The following TDP1 variants were observed in gnomAD, a reference collection of about 807,000 sequenced individuals.
The protein encoded by TDP1 is tyr-DNA phosphodiesterase 1.
TDP1 carries 64 observed loss-of-function variants against 81.5 expected under a neutral mutation model. The observed-to-expected ratio is 0.79, with a 90% CI of 0.64 to 0.97. The LOEUF (loss-of-function observed/expected upper bound fraction) is 0.97, where lower values mean the gene tolerates loss of function less well. TDP1 is among the 50% of genes least tolerant of loss of function. The pLI is 0.00. For missense variants in TDP1, 723 were observed against 743.8 expected, an observed-to-expected ratio of 0.97 and a Z score of 0.33; for synonymous variants, 256 against 264.3, an observed-to-expected ratio of 0.97 and a Z score of 0.30.
Position 90,039,672 on chromosome 14 carries a change from T to C in TDP1, c.1754-3398T>C, listed in dbSNP as rs61998732. ...TACGTCACTTGGATTTATCTGATTA[T>C]TAAAAAAAAAAAAAAGAAACTGTTA... is the stretch of plus-strand genomic sequence containing the variant. On this transcript the variant is annotated intron_variant, in intron 16 of 16. Coordinates refer to ENST00000335725, the MANE Select transcript of TDP1 (RefSeq NM_018319.4). 6.2e-5 allele frequency among the ~76,000 whole-genome samples: 9 copies of C among 145,722 alleles called. No individual in the cohort carries two copies. In the East Asian group the frequency reaches 1.8e-3, roughly 28 times the overall value.
chr14:90,017,934 A>G (rs1367231607), intron 14 of TDP1, among the ~76,000 whole-genome samples: 2 of 152,228 alleles, frequency 1.3e-5, no homozygotes, highest in East Asian at 3.8e-4. Context: ...CCTGTCCTCA[A>G]TATGGTTCAT....
intron 2 of TDP1, among the ~76,000 whole-genome samples, chr14:89,957,446 G>A (rs180677850): frequency 7.9e-5 from 12 of 152,290 alleles, no homozygotes; most frequent in African/African-American, 2.9e-4. Flanking sequence ...CTGCCCAAGT[G>A]CACATTTACT....
At chr14:90,041,931 A>G in intron 16 of TDP1, among the ~76,000 whole-genome samples, 1 of 152,196 alleles carries the variant, frequency 6.6e-6, no homozygotes. Context: ...AGATGTTCTC[A>G]TTTGTGCTCC....
chr14:89,992,053 G>GT (rs35621567), intron 13 of TDP1, 70 bp downstream of exon 13: 36,337 of 1,026,564 alleles, frequency 0.035, no homozygotes, highest in Non-Finnish European at 0.039. Context: ...TCACTGGTTT[G>GT]TTTTTTTTTT....
rs58264054 is a variant in TDP1 at position 89,998,372 on chromosome 14, T to TTA, written c.1541+4939_1541+4940dup. 3.7e-3 allele frequency among the ~76,000 whole-genome samples: 195 copies of TTA among 52,940 alleles called. 1 individual carries two copies. The highest frequency in any genetic ancestry group is 4.4e-3 in the Non-Finnish European group (120 of 27,452). The allele number at this position is 52,940 out of a possible 152,430, so 34.7% of individuals were successfully genotyped here. On this transcript the variant is annotated intron_variant, in intron 14 of 16. Coordinates refer to ENST00000335725, the MANE Select transcript of TDP1 (RefSeq NM_018319.4). ...AGTTCCAGGCACAGTTCCAAGCACA[T>TTA]TATATATATATATATATATATATAT...
intron 7 of TDP1, among the ~76,000 whole-genome samples, chr14:89,979,914 A>G (rs543718942): frequency 1.3e-5 from 2 of 152,300 alleles, no homozygotes; most frequent in Non-Finnish European, 2.9e-5. Flanking sequence ...AATAGGCAAG[A>G]CTTACCCCAA....
intron 14 of TDP1, among the ~76,000 whole-genome samples, chr14:90,015,525 T>G (rs1315679966): frequency 6.6e-6 from 1 of 152,222 alleles, no homozygotes; most frequent in African/African-American, 2.4e-5. Context: ...TGTGGTGGCT[T>G]GGTGCCTCAT....
intron 12 of TDP1, chr14:89,991,704 A>T: frequency 2.1e-6 from 2 of 959,192 alleles, no homozygotes; most frequent in Non-Finnish European, 2.5e-6. Context: ...TAAGATTTGC[A>T]TAAAGTTAAT....
intron 14 of TDP1, among the ~76,000 whole-genome samples, chr14:90,002,949 T>G (rs1373048926): frequency 1.3e-5 from 2 of 151,312 alleles, no homozygotes; most frequent in East Asian, 3.9e-4. Context: ...TATTTATTTA[T>G]TTTTTTTGAG....
chr14:89,963,026 C>T (rs1717409681), intron 2 of TDP1, 82 bp from the exon 3 acceptor site: 11 of 1,604,524 alleles, frequency 6.9e-6, no homozygotes, highest in Non-Finnish European at 8.5e-6. Flanking sequence ...GCTCATCTGA[C>T]AGGGAAGTTG....
At chr14:89,970,957 G>C (rs1893559730) in intron 5 of TDP1, 1 of 189,660 alleles carries the variant, frequency 5.3e-6, no homozygotes, top group Admixed American at 6.5e-5. Flanking sequence ...TCATGCCTCA[G>C]CCCCAGAGTA....
intron 4 of TDP1, 40 bp from the exon 5 acceptor site, chr14:89,967,327 A>G: frequency 6.3e-7 from 1 of 1,594,724 alleles, no homozygotes; most frequent in Non-Finnish European, 8.6e-7. Flanking sequence ...GTTTGGCAGA[A>G]TTACCTATGG....
chr14:89,997,759 A>G (rs906954068), intron 14 of TDP1, among the ~76,000 whole-genome samples: 1 of 152,176 alleles, frequency 6.6e-6, no homozygotes, highest in Non-Finnish European at 1.5e-5. Context: ...TTGAAGAGCA[A>G]CTGGTCACAC....
chr14:89,993,111 A>G, intron 13 of TDP1: 2 of 969,770 alleles, frequency 2.1e-6, no homozygotes, highest in Non-Finnish European at 2.5e-6. Context: ...AATAATATGT[A>G]TGCATGTATG....
intron 16 of TDP1, among the ~76,000 whole-genome samples, chr14:90,034,004 C>T (rs984917330): frequency 6.6e-6 from 1 of 152,010 alleles, no homozygotes; most frequent in East Asian, 1.9e-4. Context: ...GAGTTTGAGG[C>T]TGCAGTGAGC....
intron 14 of TDP1, among the ~76,000 whole-genome samples, chr14:90,006,395 T>C (rs1044612309): frequency 6.6e-6 from 1 of 152,258 alleles, no homozygotes; most frequent in Admixed American, 6.5e-5. Flanking sequence ...CTGCAGAATT[T>C]TGAGATAGGA....
chr14:90,030,157 C>G (rs1326409497), intron 15 of TDP1, among the ~76,000 whole-genome samples: 3 of 152,194 alleles, frequency 2.0e-5, no homozygotes, highest in South Asian at 2.1e-4. Context: ...AACATGTGAG[C>G]AGGGAAACCT....
At chr14:90,024,199 C>G (rs1886394403) in intron 15 of TDP1, among the ~76,000 whole-genome samples, 1 of 152,176 alleles carries the variant, frequency 6.6e-6, no homozygotes, top group African/African-American at 2.4e-5. Context: ...CGACTCCTAA[C>G]CTCTCGTTCC....
chr14:89,994,131 T>C (rs956226247), intron 14 of TDP1, among the ~76,000 whole-genome samples: 2 of 152,220 alleles, frequency 1.3e-5, no homozygotes, highest in African/African-American at 2.4e-5. Context: ...AACCCAACGA[T>C]TAGGCATCTC....
Sources: allele counts gnomAD v4.1 joint callset (sites outside exome capture counted in the v4.1 genomes callset), GRCh38; gene constraint gnomAD v4.1.1; transcripts MANE v1.5; gene names NCBI Gene and HGNC (gene_info 2026-07-23, HGNC 2026-07-21).